Variants in CDH4 observed in about 807,000 individuals in gnomAD.
CDH4 encodes cadherin 4.
CDH4 carries 33 observed loss-of-function variants against 86.0 expected under a neutral mutation model. That is an observed-to-expected ratio of 0.38 (90% confidence interval 0.29 to 0.51). The LOEUF (loss-of-function observed/expected upper bound fraction) is 0.51. Ranked by LOEUF, CDH4 falls within the 20% of genes least tolerant of loss-of-function variation. The pLI is 0.86. For missense variants in CDH4, 1,114 were observed against 1,307.4 expected (o/e 0.85, Z 2.28); for synonymous variants, 555 against 549.4 (o/e 1.01, Z -0.14).
intron 7 of CDH4, among the ~76,000 whole-genome samples, chr20:61,889,013 C>G (rs574122563): frequency 6.6e-6 from 1 of 152,300 alleles, no homozygotes; most frequent in East Asian, 1.9e-4. Context: ...GGCTTTCTCC[C>G]CTCCCTCACG....
chr20:61,532,657 C>T (rs62201785), intron 2 of CDH4, among the ~76,000 whole-genome samples: 23,363 of 152,104 alleles, frequency 0.15, 2,105 homozygotes, highest in East Asian at 0.45. Context: ...CAAAGCACCA[C>T]GTTTCTAATC....
At chr20:61,384,127 G>T (rs2084938101) in intron 2 of CDH4, among the ~76,000 whole-genome samples, 1 of 152,000 alleles carries the variant, frequency 6.6e-6, no homozygotes, top group South Asian at 2.1e-4. Flanking sequence ...TGATTAAATG[G>T]TGCCCACCCA....
chr20:61,686,775 G>A (rs901169068), intron 2 of CDH4, among the ~76,000 whole-genome samples: 4 of 151,960 alleles, frequency 2.6e-5, no homozygotes, highest in African/African-American at 9.7e-5. Context: ...GCATTCGCGC[G>A]TGTGTGTGTG....
At chr20:61,388,850 A>G (rs566093245) in intron 2 of CDH4, among the ~76,000 whole-genome samples, 3 of 152,258 alleles carry the variant, frequency 2.0e-5, no homozygotes, top group Non-Finnish European at 4.4e-5. Flanking sequence ...CGTAACTTCA[A>G]TTATGCCGTT....
intron 2 of CDH4, among the ~76,000 whole-genome samples, chr20:61,412,326 G>A (rs1406062002): frequency 6.6e-6 from 1 of 152,220 alleles, no homozygotes; most frequent in Non-Finnish European, 1.5e-5. Flanking sequence ...TGACCATGGT[G>A]AGCAAGGGCA....
At chr20:61,321,128 C>T (rs1054243916) in intron 2 of CDH4, among the ~76,000 whole-genome samples, 1 of 152,198 alleles carries the variant, frequency 6.6e-6, no homozygotes, top group Non-Finnish European at 1.5e-5. Context: ...ATTTCCACCT[C>T]GAGAGCGCAT....
At chr20:61,895,272 G>A (rs750450917) in intron 8 of CDH4, among the ~76,000 whole-genome samples, 15 of 152,266 alleles carry the variant, frequency 9.9e-5, no homozygotes, top group East Asian at 1.9e-4. Flanking sequence ...GACCGGCGGC[G>A]GAGGTCGGTT....
chr20:61,571,393 C>A (rs2086340686), intron 2 of CDH4, among the ~76,000 whole-genome samples: 1 of 152,180 alleles, frequency 6.6e-6, no homozygotes, highest in South Asian at 2.1e-4. Context: ...GTGAGCATCT[C>A]CTTGATGCCC....
At chr20:61,570,806 G>C (rs897574778) in intron 2 of CDH4, 15 of 701,862 alleles carry the variant, frequency 2.1e-5, no homozygotes, top group Non-Finnish European at 3.9e-5. Context: ...TACCTTCTCT[G>C]CCGCGCCAGG....
intron 2 of CDH4, chr20:61,599,999 G>A (rs1301692079): frequency 1.0e-6 from 1 of 958,038 alleles, no homozygotes; most frequent in Non-Finnish European, 1.2e-6. Flanking sequence ...GGTACCCCGT[G>A]CTAATGATGG....
chr20:61,484,245 T>C (rs1361183060), intron 2 of CDH4, among the ~76,000 whole-genome samples: 1 of 152,194 alleles, frequency 6.6e-6, no homozygotes, highest in East Asian at 1.9e-4. Flanking sequence ...CACCATGCCA[T>C]GTACATTCCC....
rs1175534317 is a variant in CDH4 at position 61,902,837 on chromosome 20, C to G, written c.1189-7585C>G. Among the ~76,000 whole-genome samples the G allele has an allele frequency of 1.3e-5, 2 of 152,136 alleles. No homozygotes were observed. Among genetic ancestry groups the G allele is most frequent in the Non-Finnish European group, 2.9e-5 (2 of 68,026 alleles). On this transcript the variant is annotated intron_variant, in intron 8 of 15. Coordinates refer to ENST00000614565, the MANE Select transcript of CDH4 (RefSeq NM_001794.5). This position sits in a 1 kb window ranked among gnomAD's most constrained non-coding sequence, Gnocchi z 4.6. The stretch of plus-strand genomic sequence containing the variant: ...TATGAGGTCAGCGCCTCGTCACCAC[C>G]TGTCTCAGAGAGCTGATTAAAAATC...
intron 2 of CDH4, among the ~76,000 whole-genome samples, chr20:61,303,233 T>C (rs895105116): frequency 1.3e-5 from 2 of 152,164 alleles, no homozygotes; most frequent in Non-Finnish European, 2.9e-5. Flanking sequence ...CCAGGCGTTC[T>C]TGTGAGGATG....
chr20:61,809,297 C>T (rs553108435), intron 4 of CDH4, among the ~76,000 whole-genome samples: 12 of 152,128 alleles, frequency 7.9e-5, no homozygotes, highest in African/African-American at 1.9e-4. Flanking sequence ...GGATGGTCAG[C>T]GGCAGGATGA....
chr20:61,413,129 C>A (rs1039388490), intron 2 of CDH4, among the ~76,000 whole-genome samples: 1 of 152,030 alleles, frequency 6.6e-6, no homozygotes, highest in African/African-American at 2.4e-5. Context: ...GCACCCAAGG[C>A]CCCCCTTCCC....
At position 61,678,996 on chromosome 20, in the gene CDH4, T is replaced by C. The variant is rs112875222; in HGVS notation, c.170-64567T>C. ...GAGAGTATGAAAATGACTCAGGTTT[T>C]CTTTTTGCCCTGTGGATTTCACACG... On this transcript the variant is annotated intron_variant, in intron 2 of 15. Transcript: ENST00000614565. 4.3e-3 allele frequency among the ~76,000 whole-genome samples: 648 copies of C among 152,344 alleles called. 5 individuals are homozygous for C. Among genetic ancestry groups the C allele is most frequent in the African/African-American group, 0.014 (586 of 41,578 alleles).
chr20:61,299,492 G>C (rs758433206), intron 2 of CDH4, among the ~76,000 whole-genome samples: 5 of 152,208 alleles, frequency 3.3e-5, no homozygotes, highest in Non-Finnish European at 4.4e-5. Flanking sequence ...AGCCCAGAAA[G>C]CAAATATGCT....
chr20:61,890,691 A>G (rs16985085), intron 7 of CDH4, among the ~76,000 whole-genome samples: 4,440 of 152,294 alleles, frequency 0.029, 120 homozygotes, highest in African/African-American at 0.074. Flanking sequence ...TGAGAAAACT[A>G]TCAAAGTAGG....
chr20:61,565,170 G>GGGTGGTGGTGGTA lies in CDH4; in HGVS notation c.170-178381_170-178380insAGGTGGTGGTGGT, dbSNP rs1568688216. 4.5e-4 allele frequency among the ~76,000 whole-genome samples: 57 copies of GGGTGGTGGTGGTA among 127,236 alleles called. 4 individuals carry two copies. The highest frequency in any genetic ancestry group is 5.1e-4 in the Non-Finnish European group (30 of 59,198). 83.5% of individuals were successfully genotyped at this position (127,236 alleles called of 152,430 possible). A position where few individuals can be genotyped will look rare whatever the true frequency, so the allele number is the denominator to read the frequency against. On this transcript the variant is annotated intron_variant, in intron 2 of 15. Coordinates refer to ENST00000614565, the MANE Select transcript of CDH4 (RefSeq NM_001794.5). ...GTTGGTAGTGGTCCTCTTGGTGATG[G>GGGTGGTGGTGGTA]GGTGGTGGTGGTGGTGGTCCTCTTG...
Sources: gnomAD v4.1 joint callset for allele counts (sites outside exome capture counted in the v4.1 genomes callset) on GRCh38, gnomAD v4.1.1 for gene constraint, Gnocchi (gnomAD v3.1) non-coding constraint, MANE v1.5 for transcripts, NCBI Gene and HGNC (gene_info 2026-07-23, HGNC 2026-07-21) for gene names.